LRRN1: variants seen among roughly 807,000 people sequenced by gnomAD.
LRRN1 encodes the protein leucine rich repeat neuronal 1.
A neutral mutation model predicts 45.8 loss-of-function variants in LRRN1; 14 were observed. That is an observed-to-expected ratio of 0.31 (90% CI 0.20 to 0.48). The LOEUF is 0.48. Among genes scored for constraint, LRRN1 ranks in the 20% least tolerant of loss-of-function variants. The probability of loss-of-function intolerance (pLI) is 0.99; values close to 1 mark genes in which losing one functional copy is unlikely to be tolerated. For missense variants in LRRN1, 789 were observed against 874.2 expected, an observed-to-expected ratio of 0.90 and a Z score of 1.23; for synonymous variants, 359 against 330.1, an observed-to-expected ratio of 1.09 and a Z score of -0.95.
At chr3:3,843,725 T>A (rs1268270737) in intron 1 of LRRN1, among the ~76,000 whole-genome samples, 1 of 152,198 alleles carries the variant, frequency 6.6e-6, no homozygotes, top group Non-Finnish European at 1.5e-5. Context: ...TTCATCCATG[T>A]TGTAGGATAT....
chr3:3,804,632 A>G (rs1354127180), intron 1 of LRRN1, among the ~76,000 whole-genome samples: 1 of 152,188 alleles, frequency 6.6e-6, no homozygotes, highest in Non-Finnish European at 1.5e-5. Context: ...GAAAGCTCCG[A>G]TTAATATAAA....
At position 3,799,483 on chromosome 3, in the gene LRRN1, C is replaced by A. The variant is rs1044733833; in HGVS notation, c.-715C>A. On this transcript the variant is annotated 5_prime_UTR_variant, in exon 1 of 2. Transcript: ENST00000319331. ...GCCGGCAACGAGCCGGTGAACGAGG[C>A]GAGGCCCGTGCGCCCGCGGCTGCAA... is the stretch of plus-strand genomic sequence containing the variant. 1 of 151,180 alleles carries A rather than the reference C, an allele frequency of 6.6e-6. No homozygotes were observed. Among genetic ancestry groups the A allele is most frequent in the East Asian group, 1.9e-4 (1 of 5,158 alleles). The allele number at this position is 151,180 out of a possible 1,614,324, so 9.4% of individuals were successfully genotyped here.
chr3:3,828,656 ATCCT>A (rs1347286393), intron 1 of LRRN1, among the ~76,000 whole-genome samples: 1 of 152,138 alleles, frequency 6.6e-6, no homozygotes, highest in African/African-American at 2.4e-5. Context: ...TAACATAACT[ATCCT>A]TCCCACAACC....
At chr3:3,832,760 TTC>T (rs1480290360) in intron 1 of LRRN1, among the ~76,000 whole-genome samples, 1 of 152,178 alleles carries the variant, frequency 6.6e-6, no homozygotes, top group Admixed American at 6.5e-5. Context: ...GCGGTCATGA[TTC>T]TCTGTTTTTA....
rs1190037342 is a variant in LRRN1 at position 3,847,902 on chromosome 3, CATAA to C, written c.*1116_*1119del. On this transcript the variant is annotated 3_prime_UTR_variant, in exon 2 of 2. Coordinates refer to ENST00000319331, the MANE Select transcript of LRRN1 (RefSeq NM_020873.7). ...AAAAGGTGTATTGTTGTATCCCATGCATAAATAAAGGTAAATATATATATACACC... is the reference window on the plus strand; with the variant it reads ...AAAAGGTGTATTGTTGTATCCCATGCATAAAGGTAAATATATATATACACC... 6.6e-6 allele frequency among the ~76,000 whole-genome samples: 1 copy of C among 151,946 alleles called. No individual in the cohort carries two copies. Among genetic ancestry groups the C allele is most frequent in the South Asian group, 2.1e-4 (1 of 4,798 alleles).
At chr3:3,814,165 T>C (rs571007137) in intron 1 of LRRN1, among the ~76,000 whole-genome samples, 1 of 148,646 alleles carries the variant, frequency 6.7e-6, no homozygotes, top group South Asian at 2.2e-4. Context: ...TTGGAAGTGC[T>C]TCTTAACCAG....
At chr3:3,812,707 A>C (rs1374051692) in intron 1 of LRRN1, among the ~76,000 whole-genome samples, 1 of 151,748 alleles carries the variant, frequency 6.6e-6, no homozygotes, top group African/African-American at 2.4e-5. Context: ...ATTGTCTTAC[A>C]TGTGTGGACT....
intron 1 of LRRN1, among the ~76,000 whole-genome samples, chr3:3,800,544 C>G (rs566039803): frequency 2.0e-4 from 31 of 151,928 alleles, no homozygotes; most frequent in Non-Finnish European, 2.2e-4. Flanking sequence ...CACGCGGGGA[C>G]AGACCTCAGC....
intron 1 of LRRN1, among the ~76,000 whole-genome samples, chr3:3,821,321 A>G (rs550900545): frequency 6.6e-6 from 1 of 152,206 alleles, no homozygotes; most frequent in South Asian, 2.1e-4. Flanking sequence ...AGGAGCTACC[A>G]TGCTAGGCAG....
chr3:3,811,365 C>T (rs760790786), intron 1 of LRRN1, among the ~76,000 whole-genome samples: 3 of 152,162 alleles, frequency 2.0e-5, no homozygotes, highest in Non-Finnish European at 4.4e-5. Context: ...CCACCACCAC[C>T]AAGCAGCTTC....
At chr3:3,807,445 C>T (rs933383099) in intron 1 of LRRN1, among the ~76,000 whole-genome samples, 1 of 152,220 alleles carries the variant, frequency 6.6e-6, no homozygotes, top group African/African-American at 2.4e-5. Context: ...TGCACACTTA[C>T]ATGCACACAC....
chr3:3,806,039 G>T (rs535918225), intron 1 of LRRN1, among the ~76,000 whole-genome samples: 1 of 146,224 alleles, frequency 6.8e-6, no homozygotes, highest in East Asian at 2.0e-4. Flanking sequence ...TTGCCTCTGA[G>T]GGGACATTAG....
chr3:3,832,176 C>A (rs1311295804), intron 1 of LRRN1, among the ~76,000 whole-genome samples: 1 of 152,210 alleles, frequency 6.6e-6, no homozygotes, highest in Non-Finnish European at 1.5e-5. Flanking sequence ...ATCACTACCC[C>A]TCCGTCTTTC....
Position 3,846,925 on chromosome 3 carries a change from A to C in LRRN1, c.*133A>C, listed in dbSNP as rs1475564184. 1 of 726,382 alleles carries C rather than the reference A, an allele frequency of 1.4e-6. No homozygotes were observed. The allele number at this position is 726,382 out of a possible 1,614,324, so 45.0% of individuals were successfully genotyped here. A position where few individuals can be genotyped will look rare whatever the true frequency, so the allele number is the denominator to read the frequency against. On this transcript the variant is annotated 3_prime_UTR_variant, in exon 2 of 2. Transcript: ENST00000319331. This position sits in a 1 kb window ranked among gnomAD's most constrained non-coding sequence, Gnocchi z 5.7. The stretch of plus-strand genomic sequence containing the variant: ...GTGGCAGAGTGGAGAGGACGGGTGG[A>C]TATTTCAAATTTTTTTAGTATAGCG...
intron 1 of LRRN1, among the ~76,000 whole-genome samples, chr3:3,825,551 A>G (rs985823314): frequency 1.3e-5 from 2 of 152,208 alleles, no homozygotes; most frequent in Non-Finnish European, 2.9e-5. Context: ...AGGACAATCT[A>G]ATTTTCTCTG....
intron 1 of LRRN1, among the ~76,000 whole-genome samples, chr3:3,810,986 T>C (rs1464006079): frequency 6.6e-6 from 1 of 152,208 alleles, no homozygotes; most frequent in Non-Finnish European, 1.5e-5. Context: ...TGCTTCCCAA[T>C]TGCTGTGACC....
intron 1 of LRRN1, among the ~76,000 whole-genome samples, chr3:3,834,525 G>GATATATATATATATATATAT (rs71040093): frequency 0.023 from 634 of 27,178 alleles, 101 homozygotes; most frequent in Non-Finnish European, 0.038. Flanking sequence ...GACAGAACAG[G>GATATATATATATATATATAT]ATATATATAT....
chr3:3,809,433 T>A (rs1692832190), intron 1 of LRRN1, among the ~76,000 whole-genome samples: 1 of 152,210 alleles, frequency 6.6e-6, no homozygotes, highest in South Asian at 2.1e-4. Flanking sequence ...CGTGAGCCAC[T>A]GCCCCCGGCC....
chr3:3,829,744 G>A (rs562267678), intron 1 of LRRN1, among the ~76,000 whole-genome samples: 4 of 152,318 alleles, frequency 2.6e-5, no homozygotes, highest in Admixed American at 1.3e-4. Context: ...AGGCAATGCT[G>A]TATGGAATAC....
Sources: allele counts gnomAD v4.1 joint callset (sites outside exome capture counted in the v4.1 genomes callset), GRCh38; gene constraint gnomAD v4.1.1; non-coding constraint Gnocchi (gnomAD v3.1); transcripts MANE v1.5; gene names NCBI Gene and HGNC (gene_info 2026-07-23, HGNC 2026-07-21).